TXNDC12: variants seen among roughly 807,000 people sequenced by gnomAD.
TXNDC12 encodes the protein thioredoxin domain containing 12.
In TXNDC12, 22 loss-of-function variants were observed where a neutral mutation model predicts 24.2. The ratio of observed to expected loss-of-function variants is 0.91; its 90% CI spans 0.65 to 1.30. The LOEUF (loss-of-function observed/expected upper bound fraction) is 1.30, where lower values mean the gene tolerates loss of function less well. TXNDC12 is among the 50% of genes most tolerant of loss of function. TXNDC12 has a pLI of 0.00. For missense variants in TXNDC12, 184 were observed against 205.8 expected, an observed-to-expected ratio of 0.89 and a Z score of 0.65; for synonymous variants, 58 against 73.4, an observed-to-expected ratio of 0.79 and a Z score of 1.07.
At chr1:52,022,390 C>G (rs1685610307) in intron 6 of TXNDC12, among the ~76,000 whole-genome samples, 1 of 152,168 alleles carries the variant, frequency 6.6e-6, no homozygotes, top group African/African-American at 2.4e-5. Flanking sequence ...TTGCAAACTT[C>G]CTTCACTTGT....
At chr1:52,027,462 T>C (rs1685686670) in intron 3 of TXNDC12, 114 bp from the exon 4 acceptor site, 1 of 807,390 alleles carries the variant, frequency 1.2e-6, no homozygotes, top group Non-Finnish European at 2.0e-6. Flanking sequence ...GTTTAGTTGA[T>C]TCATATAACA....
At chr1:52,033,737 G>C (rs2124372058) in intron 2 of TXNDC12, 2 of 1,606,090 alleles carry the variant, frequency 1.2e-6, no homozygotes, top group East Asian at 2.2e-5. Context: ...CTGTACGGCA[G>C]CCCGCAAAAC....
intron 1 of TXNDC12, 60 bp from the exon 2 acceptor site, chr1:52,041,657 G>A: frequency 8.4e-7 from 1 of 1,194,296 alleles, no homozygotes; most frequent in Non-Finnish European, 1.2e-6. Flanking sequence ...GTCCCAAGAA[G>A]GAAGTGTGCA....
chr1:52,033,908 G>A (rs1292025221), intron 2 of TXNDC12: 2 of 1,431,716 alleles, frequency 1.4e-6, no homozygotes, highest in African/African-American at 1.4e-5. Context: ...GGAGTTCTAC[G>A]CCAGCTAGGC....
intron 2 of TXNDC12, among the ~76,000 whole-genome samples, chr1:52,040,222 C>A (rs756773771): frequency 6.6e-6 from 1 of 152,108 alleles, no homozygotes; most frequent in Non-Finnish European, 1.5e-5. Context: ...CGTGAGCCAC[C>A]ATGCCTGGCC....
rs903477857 is a variant in TXNDC12, at chr1:52,050,468, C to G, written c.97+4532G>C. Among the ~76,000 whole-genome samples the G allele has an allele frequency of 2.0e-5, 3 of 152,192 alleles. No individual in the cohort carries two copies. The South Asian group carries it at 6.2e-4, about 32-fold the overall frequency. ...AAAGAAAAGCAACCATTTCTAAACACAGCATTCAATCAGAATTTTCAATCC... is the reference window on the plus strand; with the variant it reads ...AAAGAAAAGCAACCATTTCTAAACAGAGCATTCAATCAGAATTTTCAATCC... On this transcript the variant is annotated intron_variant, in intron 1 of 6. Coordinates refer to ENST00000371626, the MANE Select transcript of TXNDC12 (RefSeq NM_015913.4).
In TXNDC12 at chr1:52,028,682, T is replaced by G. The variant is rs768648345; in HGVS notation, c.159-52A>C. ...ATCTAGTAATTCTACTTCTTGAAAT[T>G]TAATGATAAAGATTAATATGTGAAG... On this transcript the variant is annotated intron_variant, in intron 2 of 6. Coordinates refer to ENST00000371626, the MANE Select transcript of TXNDC12 (RefSeq NM_015913.4). 8.8e-6 allele frequency: 12 copies of G among 1,368,092 alleles called. No homozygotes were observed. In the East Asian group the frequency reaches 2.5e-4, roughly 29 times the overall value. 84.7% of individuals were successfully genotyped at this position (1,368,092 alleles called of 1,614,324 possible). A position where few individuals can be genotyped will look rare whatever the true frequency, so the allele number is the denominator to read the frequency against.
intron 2 of TXNDC12, chr1:52,032,553 T>A (rs1685782157): frequency 7.1e-7 from 1 of 1,406,586 alleles, no homozygotes; most frequent in African/African-American, 1.4e-5. Flanking sequence ...CACAGGGGTA[T>A]GCAGGAAAGT....
Position 52,027,269 on chromosome 1 carries a change from T to G in TXNDC12, c.285+6A>C. On this transcript the variant is annotated splice_donor_region_variant and intron_variant, in intron 4 of 6. Coordinates refer to ENST00000371626, the MANE Select transcript of TXNDC12 (RefSeq NM_015913.4). ...TAGCAGAAAGGAGAAACTCTCAAAG[T>G]CTTACCTCAAGATTTACCATAACAA... The G allele has an allele frequency of 6.2e-7, 1 of 1,601,762 alleles. No individual in the cohort carries two copies. The highest frequency in any genetic ancestry group is 8.5e-7 in the Non-Finnish European group (1 of 1,169,672).
rs759988298 is a variant in TXNDC12, at chr1:52,032,761, T to C, written c.159-4131A>G. On this transcript the variant is annotated intron_variant, in intron 2 of 6. Transcript: ENST00000371626. ...GGCCAGTTGCGGCAAGTTCTCATTGTTGGGATGCATTTTAGTGTACGAAAT... is the reference window on the plus strand; with the variant it reads ...GGCCAGTTGCGGCAAGTTCTCATTGCTGGGATGCATTTTAGTGTACGAAAT... 1 of 1,614,082 alleles carries C rather than the reference T, an allele frequency of 6.2e-7. No homozygotes were observed. Among genetic ancestry groups the C allele is most frequent in the South Asian group, 1.1e-5 (1 of 91,072 alleles).
chr1:52,051,000 T>C (rs1686189548), intron 1 of TXNDC12: 1 of 169,646 alleles, frequency 5.9e-6, no homozygotes, highest in Non-Finnish European at 1.5e-5. Flanking sequence ...CTGGGATTTG[T>C]ATTCCAGCTA....
intron 2 of TXNDC12, among the ~76,000 whole-genome samples, chr1:52,038,126 C>T (rs1379141120): frequency 6.6e-6 from 1 of 151,986 alleles, no homozygotes; most frequent in Non-Finnish European, 1.5e-5. Flanking sequence ...CAGAGTTTCC[C>T]ATGTTGCCCA....
chr1:52,041,936 T>C (rs946643058), intron 1 of TXNDC12, among the ~76,000 whole-genome samples: 1 of 152,230 alleles, frequency 6.6e-6, no homozygotes, highest in African/African-American at 2.4e-5. Flanking sequence ...AAGCAGGTCA[T>C]AACAAATCAT....
chr1:52,028,318 C>T (rs1319248282), intron 3 of TXNDC12, among the ~76,000 whole-genome samples: 1 of 152,166 alleles, frequency 6.6e-6, no homozygotes, highest in Non-Finnish European at 1.5e-5. Context: ...TCAGCTTCCT[C>T]TAACATGTAT....
At chr1:52,041,149 G>A (rs559117909) in intron 2 of TXNDC12, among the ~76,000 whole-genome samples, 69 of 152,186 alleles carry the variant, frequency 4.5e-4, no homozygotes, top group African/African-American at 1.5e-3. Context: ...TGGCTAACAC[G>A]GTGAAACCCC....
At chr1:52,033,877 C>T in intron 2 of TXNDC12, 1 of 1,437,136 alleles carries the variant, frequency 7.0e-7, no homozygotes. Context: ...TTTTACAGAC[C>T]CTCTTGTTTC....
intron 2 of TXNDC12, among the ~76,000 whole-genome samples, chr1:52,031,498 TTTTG>T (rs1333165859): frequency 6.6e-6 from 1 of 150,554 alleles, no homozygotes; most frequent in Non-Finnish European, 1.5e-5. Flanking sequence ...ACATATCTCT[TTTTG>T]TTTGTTTTTC....
chr1:52,028,800 T>C (rs935569521), intron 2 of TXNDC12, among the ~76,000 whole-genome samples, 170 bp from the exon 3 acceptor site: 1 of 152,226 alleles, frequency 6.6e-6, no homozygotes, highest in African/African-American at 2.4e-5. Flanking sequence ...TGTTAAGTTC[T>C]AACACTTCTG....
intron 1 of TXNDC12, among the ~76,000 whole-genome samples, chr1:52,048,673 C>G (rs2124392158): frequency 6.6e-6 from 1 of 151,782 alleles, no homozygotes; most frequent in African/African-American, 2.4e-5. Context: ...TCAAGACCAG[C>G]CTGGCCAACC....
Sources: allele counts gnomAD v4.1 joint callset (sites outside exome capture counted in the v4.1 genomes callset), GRCh38; gene constraint gnomAD v4.1.1; transcripts MANE v1.5; gene names NCBI Gene and HGNC (gene_info 2026-07-23, HGNC 2026-07-21).